The following ITIH2 variants were observed in gnomAD, a reference collection of about 807,000 sequenced individuals.
The protein encoded by ITIH2 is inter-alpha-trypsin inhibitor heavy chain 2.
A neutral mutation model predicts 104.4 loss-of-function variants in ITIH2; 103 were observed. The observed-to-expected ratio is 0.99, with a 90% confidence interval of 0.84 to 1.16. The LOEUF is 1.16. ITIH2 is among the 50% of genes most tolerant of loss of function. The pLI, the probability that ITIH2 is intolerant of heterozygous loss-of-function variation, is 0.00. For missense variants in ITIH2, 1,108 were observed against 1,162.4 expected (o/e 0.95, Z 0.68); for synonymous variants, 436 against 435.4 (o/e 1.00, Z -0.02).
At chr10:7,729,729 A>G (rs1564303274) in intron 11 of ITIH2, 2 of 440,504 alleles carry the variant, frequency 4.5e-6, no homozygotes, top group East Asian at 7.0e-5. Flanking sequence ...TGTTTCCAAT[A>G]TGTTGCTAAT....
At chr10:7,746,745 G>A (rs1385634086) in intron 20 of ITIH2, 41 bp downstream of exon 20, 1 of 1,259,832 alleles carries the variant, frequency 7.9e-7, no homozygotes. Flanking sequence ...AAGGCCTTGT[G>A]TTAGAATTAG....
intron 20 of ITIH2, 130 bp from the exon 21 acceptor site, chr10:7,749,057 G>A (rs1835211011): frequency 1.2e-6 from 1 of 834,580 alleles, no homozygotes; most frequent in Non-Finnish European, 1.9e-6. Flanking sequence ...ACATGACTTG[G>A]GGAGCAGCGA....
chr10:7,740,377 G>A (rs1337681804), intron 16 of ITIH2, among the ~76,000 whole-genome samples: 2 of 152,180 alleles, frequency 1.3e-5, no homozygotes, highest in Non-Finnish European at 2.9e-5. Flanking sequence ...CCATGCAGAA[G>A]TCTCAGTTAA....
intron 15 of ITIH2, among the ~76,000 whole-genome samples, chr10:7,737,426 T>TATATATATATATATAC (rs1407631058): frequency 7.6e-6 from 1 of 131,092 alleles, no homozygotes; most frequent in Non-Finnish European, 1.6e-5. Context: ...TATATATATA[T>TATATATATATATATAC]ACACGTGTAT....
chr10:7,707,906 TAA>T (rs1329585769), intron 3 of ITIH2, among the ~76,000 whole-genome samples: 3 of 152,110 alleles, frequency 2.0e-5, no homozygotes, highest in African/African-American at 4.8e-5. Flanking sequence ...CTTTGGAAAA[TAA>T]AAGAGTGCCC....
Position 7,717,691 on chromosome 10 carries a change from A to T in ITIH2, c.533A>T (p.Gln178Leu). ...AATGTCCTCCCAGGAGCAAAGGTGC[A>T]GTTCGAACTTCACTACCAGGAGGTG... is the stretch of plus-strand genomic sequence containing the variant. ...EVNVLPGAKV[Q>L]FELHYQEVKW... Residue 178 changes from glutamine to leucine, a missense_variant, in exon 6 of 21, where the codon CAG becomes CTG. Coordinates refer to ENST00000358415, the MANE Select transcript of ITIH2 (RefSeq NM_002216.3). 1 of 1,613,764 alleles carries T rather than the reference A, an allele frequency of 6.2e-7. No individual in the cohort carries two copies. The highest frequency in any genetic ancestry group is 2.2e-5 in the East Asian group (1 of 44,884).
Position 7,749,458 on chromosome 10 carries a change from A to G in ITIH2, c.*124A>G, listed in dbSNP as rs1835216718. 1.3e-6 allele frequency: 1 copy of G among 777,858 alleles called. No individual in the cohort carries two copies. Among genetic ancestry groups the G allele is most frequent in the African/African-American group, 1.8e-5 (1 of 57,032 alleles). 48.2% of individuals were successfully genotyped at this position (777,858 alleles called of 1,614,324 possible). A position where few individuals can be genotyped will look rare whatever the true frequency, so the allele number is the denominator to read the frequency against. ...TCAGGGTGGTTAATTAAAATGAACC[A>G]GATATCAGGGTGGTTTATAAAGCCT... On this transcript the variant is annotated 3_prime_UTR_variant, in exon 21 of 21. Coordinates refer to ENST00000358415, the MANE Select transcript of ITIH2 (RefSeq NM_002216.3).
In ITIH2 at chr10:7,734,994, C is replaced by CATTT. The variant is rs748626881; in HGVS notation, c.1863_1864insTATT (p.Val622TyrfsTer17). 2.8e-5 allele frequency: 45 copies of CATTT among 1,613,790 alleles called. No individual in the cohort carries two copies. In the South Asian group the frequency reaches 4.7e-4, roughly 17 times the overall value. ...TCCTGCAGATGTCTCTAGACCACCA[C>CATTT]ATTGTGACTCCGCTGACCTCGCTGG... On this transcript the variant is annotated frameshift_variant, in exon 15 of 21. Transcript: ENST00000358415. LOFTEE classifies it high-confidence loss of function.
chr10:7,741,076 C>T (rs556324534), intron 16 of ITIH2, among the ~76,000 whole-genome samples: 2 of 151,370 alleles, frequency 1.3e-5, no homozygotes, highest in South Asian at 4.2e-4. Flanking sequence ...CAAAACCAAT[C>T]GTTGTCTTTA....
At chr10:7,734,790 C>T (rs1455930270) in intron 14 of ITIH2, 132 bp from the exon 15 acceptor site, 3 of 665,020 alleles carry the variant, frequency 4.5e-6, no homozygotes, top group Admixed American at 4.7e-5. Context: ...GTTCTGTTTC[C>T]CAGTTACTTT....
chr10:7,733,050 C>G (rs1027547027), intron 14 of ITIH2, among the ~76,000 whole-genome samples: 2 of 151,316 alleles, frequency 1.3e-5, no homozygotes. Flanking sequence ...TTTAAGTGCA[C>G]CATTCAATGG....
rs1339625873 is a variant in ITIH2, at chr10:7,727,019, A to G, written c.1054A>G (p.Asn352Asp). The G allele has an allele frequency of 6.2e-7, 1 of 1,613,966 alleles. No individual in the cohort carries two copies. The highest frequency in any genetic ancestry group is 8.5e-7 in the Non-Finnish European group (1 of 1,179,906). Residue 352 changes from asparagine to aspartate, a missense_variant, in exon 10 of 21, where the codon AAC becomes GAC. By Grantham distance (23) the Asn-to-Asp change is conservative. Coordinates refer to ENST00000358415, the MANE Select transcript of ITIH2 (RefSeq NM_002216.3). ...AGACCATTTCTCTGTGATTGATTTC[A>G]ACCAGAACATTCGAACTTGGAGAAA... The part of the protein sequence containing the change: ...AEDHFSVIDF[N>D]QNIRTWRNDL...
intron 1 of ITIH2, among the ~76,000 whole-genome samples, chr10:7,704,313 CT>C (rs1834724833): frequency 6.6e-6 from 1 of 152,238 alleles, no homozygotes; most frequent in Non-Finnish European, 1.5e-5. Flanking sequence ...ATCACTCTGT[CT>C]GCTTTGAAAC....
intron 5 of ITIH2, among the ~76,000 whole-genome samples, chr10:7,715,137 T>G (rs1834835253): frequency 6.6e-6 from 1 of 152,068 alleles, no homozygotes; most frequent in African/African-American, 2.4e-5. Flanking sequence ...AGAATCATTT[T>G]GCCAGCCAGG....
At chr10:7,727,601 G>T in intron 10 of ITIH2, 102 bp from the exon 11 acceptor site, 1 of 1,364,776 alleles carries the variant, frequency 7.3e-7, no homozygotes, top group Non-Finnish European at 1.0e-6. Context: ...TGGAATAAGT[G>T]ATGGATAAGT....
At position 7,730,046 on chromosome 10, in the gene ITIH2, C is replaced by G; in HGVS notation, c.1374C>G (p.Asp458Glu). The part of the protein sequence containing the change: ...LFSLGMGFDV[D>E]YDFLKRLSNE... The stretch of plus-strand genomic sequence containing the variant: ...GTTTGGGCATGGGATTTGATGTGGA[C>G]TATGATTTTTTGAAGAGACTGTCCA... Residue 458 changes from aspartate to glutamate, a missense_variant, in exon 12 of 21, where the codon GAC becomes GAG. Coordinates refer to ENST00000358415, the MANE Select transcript of ITIH2 (RefSeq NM_002216.3). 1 of 1,612,688 alleles carries G rather than the reference C, an allele frequency of 6.2e-7. No individual in the cohort carries two copies. The highest frequency in any genetic ancestry group is 8.5e-7 in the Non-Finnish European group (1 of 1,178,762).
intron 16 of ITIH2, among the ~76,000 whole-genome samples, chr10:7,741,531 A>T (rs1187837056): frequency 1.3e-5 from 2 of 152,060 alleles, no homozygotes; most frequent in Non-Finnish European, 2.9e-5. Flanking sequence ...ACAATCAACT[A>T]ACCATGTATT....
chr10:7,712,122 A>G (rs755259120), intron 4 of ITIH2, among the ~76,000 whole-genome samples: 3 of 152,190 alleles, frequency 2.0e-5, no homozygotes, highest in Non-Finnish European at 4.4e-5. Context: ...TTCTGTCTTC[A>G]TCAGCTCCGG....
At chr10:7,717,830 T>C in intron 6 of ITIH2, 42 bp downstream of exon 6, 2 of 1,573,762 alleles carry the variant, frequency 1.3e-6, no homozygotes, top group South Asian at 1.1e-5. Context: ...ACTGTCCTTT[T>C]ATAGTCTCTG....
Sources: allele counts gnomAD v4.1 joint callset (sites outside exome capture counted in the v4.1 genomes callset), GRCh38; gene constraint gnomAD v4.1.1; transcripts MANE v1.5; gene names NCBI Gene and HGNC (gene_info 2026-07-23, HGNC 2026-07-21).